Variants in XPR1 observed in about 807,000 individuals in gnomAD.
XPR1 encodes solute carrier family 53 member 1.
A neutral mutation model predicts 87.5 loss-of-function variants in XPR1; 28 were observed. The observed-to-expected ratio is 0.32, with a 90% confidence interval of 0.24 to 0.44. The LOEUF (loss-of-function observed/expected upper bound fraction) is 0.44, where lower values mean the gene tolerates loss of function less well. Among genes scored for constraint, XPR1 ranks in the 20% least tolerant of loss-of-function variants. The pLI is 1.00. For missense variants in XPR1, 559 were observed against 862.3 expected, an observed-to-expected ratio of 0.65 and a Z score of 4.41; for synonymous variants, 300 against 306.1, an observed-to-expected ratio of 0.98 and a Z score of 0.21.
In XPR1 at chr1:180,768,747, T is replaced by G. The variant is rs117190811; in HGVS notation, c.122-19006T>G. Among the ~76,000 whole-genome samples, 57 of 152,342 alleles carry G rather than the reference T, an allele frequency of 3.7e-4. 3 individuals carry two copies. In the East Asian group the frequency reaches 0.011, roughly 29 times the overall value. On this transcript the variant is annotated intron_variant, in intron 2 of 14. Transcript: ENST00000367590. ...CTAACTAAGGTTTTACTATCTCAAC[T>G]CCCCTAAACACATGTTGTGTTTTAC... is the stretch of plus-strand genomic sequence containing the variant.
chr1:180,809,280 A>G (rs1650120914), intron 6 of XPR1, among the ~76,000 whole-genome samples: 1 of 152,152 alleles, frequency 6.6e-6, no homozygotes, highest in African/African-American at 2.4e-5. Flanking sequence ...GCTGGGAGGA[A>G]AGGATTACAA....
rs1486332771 is a variant in XPR1, at chr1:180,836,688, G to A, written c.1473G>A (p.Thr491=). The stretch of plus-strand genomic sequence containing the variant: ...ACTCCACAACTTTCTTCATGGTGAC[G>A]TTTGCAGCCCTTTACAGCACTCACA... ...GKYSTTFFMV[T]FAALYSTHKE... is the part of the protein sequence containing the mutation. The change falls in exon 11 of 15, where the codon ACG becomes ACA. Residue 491 remains threonine, a synonymous_variant. Coordinates refer to ENST00000367590, the MANE Select transcript of XPR1 (RefSeq NM_004736.4). 11 of 1,613,960 alleles carry A rather than the reference G, an allele frequency of 6.8e-6. No homozygotes were observed. The highest frequency in any genetic ancestry group is 9.3e-6 in the Non-Finnish European group (11 of 1,180,004).
intron 11 of XPR1, among the ~76,000 whole-genome samples, chr1:180,858,353 G>A (rs1195521765): frequency 6.6e-6 from 1 of 151,976 alleles, no homozygotes; most frequent in Non-Finnish European, 1.5e-5. Context: ...AACCACTTCT[G>A]TTTTTTTCCC....
chr1:180,835,524 C>A (rs1221331235), intron 10 of XPR1, among the ~76,000 whole-genome samples: 1 of 151,496 alleles, frequency 6.6e-6, no homozygotes, highest in Non-Finnish European at 1.5e-5. Context: ...GCCAGCAGTT[C>A]AAGTTATTAA....
intron 3 of XPR1, among the ~76,000 whole-genome samples, chr1:180,799,070 G>A (rs1382241817): frequency 6.6e-6 from 1 of 152,146 alleles, no homozygotes; most frequent in Non-Finnish European, 1.5e-5. Flanking sequence ...CTTTTAGCCA[G>A]TAAACCCCTT....
chr1:180,835,479 C>T (rs372788846), intron 10 of XPR1, among the ~76,000 whole-genome samples: 12 of 151,784 alleles, frequency 7.9e-5, no homozygotes, highest in African/African-American at 2.9e-4. Flanking sequence ...TGTTATTTTT[C>T]TTCTGGCCGT....
chr1:180,796,622 C>T (rs1400758315), intron 3 of XPR1, among the ~76,000 whole-genome samples: 1 of 151,994 alleles, frequency 6.6e-6, no homozygotes, highest in Non-Finnish European at 1.5e-5. Context: ...CTTTATGGTA[C>T]AAAGATAATG....
At chr1:180,702,474 T>G (rs563494917) in intron 2 of XPR1, among the ~76,000 whole-genome samples, 94 of 152,182 alleles carry the variant, frequency 6.2e-4, no homozygotes, top group Admixed American at 9.8e-4. Context: ...AGAGCTGAGT[T>G]CAATTCTTTC....
At chr1:180,691,782 T>G (rs1657001744) in intron 2 of XPR1, among the ~76,000 whole-genome samples, 2 of 152,254 alleles carry the variant, frequency 1.3e-5, no homozygotes, top group South Asian at 2.1e-4. Context: ...TATTATACGC[T>G]TCAATGGACA....
In XPR1 at chr1:180,883,747, G is replaced by A. The variant is rs1181937530; in HGVS notation, c.2031-259G>A. ...AAATCAAAGTCAGTACTCAAACCCA[G>A]ATCACTACCTTCTGCGTTGCACATA... On this transcript the variant is annotated intron_variant, in intron 14 of 14. Transcript: ENST00000367590. Among the ~76,000 whole-genome samples the A allele has an allele frequency of 2.0e-5, 3 of 150,484 alleles. 1 individual carries two copies. The highest frequency in any genetic ancestry group is 7.3e-5 in the African/African-American group (3 of 40,896).
intron 2 of XPR1, among the ~76,000 whole-genome samples, chr1:180,733,868 C>T (rs772378385): frequency 3.3e-5 from 5 of 152,140 alleles, no homozygotes; most frequent in African/African-American, 1.2e-4. Flanking sequence ...ATGATGATAA[C>T]GTTAATAATA....
At chr1:180,679,217 C>A (rs1457760919) in intron 1 of XPR1, among the ~76,000 whole-genome samples, 2 of 149,462 alleles carry the variant, frequency 1.3e-5, no homozygotes, top group African/African-American at 4.9e-5. Flanking sequence ...AACAAACAAA[C>A]AAAAAAAACG....
chr1:180,738,064 C>T (rs1000359780), intron 2 of XPR1, among the ~76,000 whole-genome samples: 2 of 151,994 alleles, frequency 1.3e-5, no homozygotes, highest in South Asian at 2.1e-4. Flanking sequence ...CAGGCTGGAG[C>T]GCAGTGGCAC....
intron 2 of XPR1, among the ~76,000 whole-genome samples, chr1:180,712,854 C>T (rs1657847534): frequency 6.7e-6 from 1 of 149,716 alleles, no homozygotes; most frequent in African/African-American, 2.4e-5. Context: ...ATCAGTTGTT[C>T]ATGTATATGT....
intron 3 of XPR1, among the ~76,000 whole-genome samples, chr1:180,801,808 TCTCA>T (rs1389493088): frequency 6.6e-6 from 1 of 151,466 alleles, no homozygotes; most frequent in African/African-American, 2.4e-5. Context: ...TGAGACAGTG[TCTCA>T]CTCTGTCACC....
intron 2 of XPR1, among the ~76,000 whole-genome samples, chr1:180,711,623 G>C (rs111698185): frequency 0.017 from 2,556 of 151,838 alleles, 79 homozygotes; most frequent in African/African-American, 0.057. Flanking sequence ...AGAGGGAGAG[G>C]GGGGAGAGTT....
chr1:180,834,504 A>G (rs1320962020), intron 9 of XPR1, among the ~76,000 whole-genome samples: 1 of 152,272 alleles, frequency 6.6e-6, no homozygotes, highest in Non-Finnish European at 1.5e-5. Flanking sequence ...GTCAGTATGA[A>G]TATGGAAAGA....
intron 1 of XPR1, among the ~76,000 whole-genome samples, chr1:180,664,377 T>C (rs1655889836): frequency 6.6e-6 from 1 of 152,090 alleles, no homozygotes; most frequent in African/African-American, 2.4e-5. Flanking sequence ...AGAACTAGGT[T>C]TTTCCCTTCA....
chr1:180,711,602 TGGGGAG>T (rs1657797689), intron 2 of XPR1, among the ~76,000 whole-genome samples: 1 of 143,084 alleles, frequency 7.0e-6, no homozygotes, highest in Non-Finnish European at 1.5e-5. Flanking sequence ...AGGGAGACCG[TGGGGAG>T]GGGGAGAGGG....
Sources: allele counts gnomAD v4.1 joint callset (sites outside exome capture counted in the v4.1 genomes callset), GRCh38; gene constraint gnomAD v4.1.1; transcripts MANE v1.5; gene names NCBI Gene and HGNC (gene_info 2026-07-23, HGNC 2026-07-21).